CDYL2: variants seen among roughly 807,000 people sequenced by gnomAD.
CDYL2 encodes chromodomain Y-like protein 2.
CDYL2 carries 23 observed loss-of-function variants against 49.4 expected under a neutral mutation model. The ratio of observed to expected loss-of-function variants is 0.47; its 90% CI spans 0.34 to 0.66. The LOEUF is 0.66. Among genes scored for constraint, CDYL2 ranks in the 30% least tolerant of loss-of-function variants. CDYL2 has a pLI of 0.01. For synonymous variants in CDYL2, 360 were observed against 268.8 expected (o/e 1.34, Z -3.32); for missense variants, 678 against 656.4 (o/e 1.03, Z -0.36).
At chr16:80,630,984 A>G (rs1907536023) in intron 3 of CDYL2, among the ~76,000 whole-genome samples, 2 of 151,828 alleles carry the variant, frequency 1.3e-5, no homozygotes, top group Admixed American at 1.3e-4. Flanking sequence ...CTTCTCATTA[A>G]CCTCCCATTG....
Position 80,684,849 on chromosome 16 carries a change from G to C in CDYL2, c.305C>G (p.Thr102Ser). ...RPSDPGKSKG[T>S]SHKRKRINPP... ...GTTAATTCGCTTCCGTTTATGGGAG[G>C]TCCCCTTGCTCTTTCCAGGATCTGA... Residue 102 changes from threonine (T) to serine (S), a missense_variant, in exon 2 of 7, where the codon ACC becomes AGC. Physicochemically the swap from Thr to Ser is moderately conservative, Grantham distance 58. This residue lies in a region of CDYL2 where 478 missense variants were observed against 427.0 expected (regional missense o/e 1.12). Coordinates refer to ENST00000570137, the MANE Select transcript of CDYL2 (RefSeq NM_152342.4). 1 of 1,614,094 alleles carries C rather than the reference G, an allele frequency of 6.2e-7. No individual in the cohort carries two copies. Among genetic ancestry groups the C allele is most frequent in the African/African-American group, 1.3e-5 (1 of 75,014 alleles).
At chr16:80,775,026 T>C (rs1309062779) in intron 1 of CDYL2, among the ~76,000 whole-genome samples, 1 of 151,986 alleles carries the variant, frequency 6.6e-6, no homozygotes, top group African/African-American at 2.4e-5. Flanking sequence ...AAATATTATT[T>C]CAAATTAGGT....
chr16:80,695,583 A>G (rs1910586425), intron 1 of CDYL2, among the ~76,000 whole-genome samples: 1 of 152,248 alleles, frequency 6.6e-6, no homozygotes, highest in Non-Finnish European at 1.5e-5. Context: ...ACAGAAACCA[A>G]AAATGAGCAG....
intron 1 of CDYL2, among the ~76,000 whole-genome samples, chr16:80,691,080 A>C (rs1467463323): frequency 6.6e-6 from 1 of 152,058 alleles, no homozygotes; most frequent in Non-Finnish European, 1.5e-5. Context: ...ACAGAGAAAG[A>C]AGACATCCAC....
chr16:80,645,992 G>C (rs1243514486), intron 2 of CDYL2, among the ~76,000 whole-genome samples: 1 of 119,902 alleles, frequency 8.3e-6, no homozygotes, highest in Non-Finnish European at 1.7e-5. Flanking sequence ...TCATGGGGTG[G>C]GGGGAGGGGG....
intron 3 of CDYL2, among the ~76,000 whole-genome samples, chr16:80,625,363 A>G (rs184608600): frequency 1.3e-5 from 2 of 152,290 alleles, no homozygotes; most frequent in East Asian, 3.9e-4. Context: ...ACTCTGACAG[A>G]TTCTTCTGCT....
Position 80,604,564 on chromosome 16 carries a change from G to C in CDYL2, c.1363-18C>G, listed in dbSNP as rs1472188208. 3.1e-6 allele frequency: 5 copies of C among 1,613,914 alleles called. No homozygotes were observed. Among genetic ancestry groups the C allele is most frequent in the Admixed American group, 3.3e-5 (2 of 60,036 alleles). On this transcript the variant is annotated intron_variant, in intron 6 of 6. Coordinates refer to ENST00000570137, the MANE Select transcript of CDYL2 (RefSeq NM_152342.4). ...TCTAACACCTAGAGGGAAATAGACA[G>C]GCCTGATTAGCCGGGCACCAGGGAC... is the stretch of plus-strand genomic sequence containing the variant.
At chr16:80,651,827 T>C (rs979503793) in intron 2 of CDYL2, among the ~76,000 whole-genome samples, 5 of 152,310 alleles carry the variant, frequency 3.3e-5, no homozygotes, top group African/African-American at 1.2e-4. Context: ...CGGTAGGGGC[T>C]AACAATTCTG....
chr16:80,766,870 G>C (rs907572449), intron 1 of CDYL2, among the ~76,000 whole-genome samples: 3 of 152,168 alleles, frequency 2.0e-5, no homozygotes, highest in Admixed American at 6.5e-5. Context: ...CAAAACACTG[G>C]CTAAGCACTG....
At chr16:80,646,927 C>T (rs1444912186) in intron 2 of CDYL2, among the ~76,000 whole-genome samples, 1 of 150,014 alleles carries the variant, frequency 6.7e-6, no homozygotes, top group Non-Finnish European at 1.5e-5. Flanking sequence ...TATTCCTTGC[C>T]AATGAATACC....
chr16:80,712,190 T>TAC (rs71894528), intron 1 of CDYL2, among the ~76,000 whole-genome samples: 6,088 of 45,872 alleles, frequency 0.13, 282 homozygotes, highest in African/African-American at 0.31. Flanking sequence ...TGTCTGTGTG[T>TAC]GTATATATAT....
intron 1 of CDYL2, among the ~76,000 whole-genome samples, chr16:80,707,314 A>G (rs1904438404): frequency 6.6e-6 from 1 of 152,056 alleles, no homozygotes; most frequent in Admixed American, 6.5e-5. Flanking sequence ...AAAAATTAAC[A>G]TAACTCATCC....
chr16:80,757,553 A>AAAAAAAAT (rs1555535736), intron 1 of CDYL2, among the ~76,000 whole-genome samples: 1 of 143,860 alleles, frequency 7.0e-6, no homozygotes, highest in Non-Finnish European at 1.5e-5. Context: ...AAAAAAAAAA[A>AAAAAAAAT]ATATATATAT....
intron 2 of CDYL2, among the ~76,000 whole-genome samples, chr16:80,637,583 A>G (rs918846864): frequency 6.6e-6 from 1 of 152,260 alleles, no homozygotes; most frequent in Admixed American, 6.5e-5. Context: ...GTAAGGTCAC[A>G]GAATACAAGG....
intron 3 of CDYL2, among the ~76,000 whole-genome samples, chr16:80,630,146 A>G (rs1056319268): frequency 2.6e-5 from 4 of 152,190 alleles, no homozygotes; most frequent in African/African-American, 9.7e-5. Flanking sequence ...CAGCTGGCTC[A>G]CCCACATACT....
At chr16:80,624,014 T>A (rs1023964710) in intron 3 of CDYL2, among the ~76,000 whole-genome samples, 1 of 152,146 alleles carries the variant, frequency 6.6e-6, no homozygotes, top group Non-Finnish European at 1.5e-5. Flanking sequence ...CCAAGCATCA[T>A]CCAGACCCTC....
At chr16:80,724,770 T>C (rs1175444112) in intron 1 of CDYL2, among the ~76,000 whole-genome samples, 3 of 152,212 alleles carry the variant, frequency 2.0e-5, no homozygotes, top group Non-Finnish European at 4.4e-5. Flanking sequence ...CTCAGATCCA[T>C]CCACTTCTCT....
chr16:80,684,567 T>C lies in CDYL2; in HGVS notation c.587A>G (p.Asn196Ser). 1 of 1,614,052 alleles carries C rather than the reference T, an allele frequency of 6.2e-7. No individual in the cohort carries two copies. Residue 196 changes from asparagine (N) to serine (S), a missense_variant, in exon 2 of 7, where the codon AAT becomes AGT. Physicochemically the swap from Asn to Ser is conservative, Grantham distance 46. Coordinates refer to ENST00000570137, the MANE Select transcript of CDYL2 (RefSeq NM_152342.4). ...CCCGTTCTCCGCCAGTGTAGCGTGA[T>C]TCACGTCACATTCACCCATATCTTG... ...GEQDMGECDV[N>S]HATLAENGLG...
intron 1 of CDYL2, among the ~76,000 whole-genome samples, chr16:80,716,498 T>TGGAG (rs1335823445): frequency 2.0e-5 from 3 of 151,464 alleles, no homozygotes; most frequent in Non-Finnish European, 4.4e-5. Context: ...GGTGGGTGGA[T>TGGAG]GGAGGGATGG....
Sources: gnomAD v4.1 joint callset for allele counts (sites outside exome capture counted in the v4.1 genomes callset) on GRCh38, gnomAD v4.1.1 for gene constraint, gnomAD v4.1.1 regional missense constraint, MANE v1.5 for transcripts, NCBI Gene and HGNC (gene_info 2026-07-23, HGNC 2026-07-21) for gene names.